AGBL1: variants seen among roughly 807,000 people sequenced by gnomAD.
The protein encoded by AGBL1 is AGBL carboxypeptidase 1.
AGBL1 carries 130 observed loss-of-function variants against 118.9 expected under a neutral mutation model. That is an observed-to-expected ratio of 1.09 (90% CI 0.95 to 1.26). The LOEUF (loss-of-function observed/expected upper bound fraction) is 1.26, where lower values mean the gene tolerates loss of function less well. AGBL1 is among the 50% of genes most tolerant of loss of function. The pLI, the probability that AGBL1 is intolerant of heterozygous loss-of-function variation, is 0.00. For missense variants in AGBL1, 1,584 were observed against 1,298.1 expected, an observed-to-expected ratio of 1.22 and a Z score of -3.38; for synonymous variants, 555 against 478.9, an observed-to-expected ratio of 1.16 and a Z score of -2.08.
At chr15:86,771,701 T>TA (rs112540517) in intron 22 of AGBL1, among the ~76,000 whole-genome samples, 265 of 151,240 alleles carry the variant, frequency 1.8e-3, no homozygotes, top group South Asian at 8.1e-3. Context: ...CAGGGATGGA[T>TA]AAAAAAAAAG....
At chr15:86,096,530 G>T (rs1567051429) in intron 1 of AGBL1, among the ~76,000 whole-genome samples, 1 of 152,062 alleles carries the variant, frequency 6.6e-6, no homozygotes, top group Non-Finnish European at 1.5e-5. Flanking sequence ...AAATTATATT[G>T]TTCCATGATT....
At chr15:87,012,555 A>G (rs975127692) in intron 24 of AGBL1, among the ~76,000 whole-genome samples, 1 of 152,140 alleles carries the variant, frequency 6.6e-6, no homozygotes, top group African/African-American at 2.4e-5. Context: ...TGATGGAAAC[A>G]GAATGATGGG....
chr15:86,212,197 TATG>T (rs1400066914), intron 5 of AGBL1, among the ~76,000 whole-genome samples: 1 of 152,256 alleles, frequency 6.6e-6, no homozygotes, highest in Non-Finnish European at 1.5e-5. Flanking sequence ...TAGCAGGTGC[TATG>T]ATAAGTGCTG....
At chr15:86,797,406 G>C (rs116527124) in intron 22 of AGBL1, among the ~76,000 whole-genome samples, 261 of 152,312 alleles carry the variant, frequency 1.7e-3, no homozygotes, top group African/African-American at 6.1e-3. Context: ...CAAAAAAGGA[G>C]CAGAACCCCC....
chr15:86,100,126 G>A (rs1015571271), intron 1 of AGBL1, among the ~76,000 whole-genome samples: 3 of 151,968 alleles, frequency 2.0e-5, no homozygotes, highest in Non-Finnish European at 4.4e-5. Context: ...CTAAAGATGC[G>A]ATATATGACA....
chr15:86,464,198 G>A (rs540354837), intron 18 of AGBL1, among the ~76,000 whole-genome samples: 4 of 152,240 alleles, frequency 2.6e-5, no homozygotes, highest in African/African-American at 9.6e-5. Context: ...TCTCTTTGTA[G>A]AAATTGGGAA....
chr15:86,232,247 T>G (rs919678024), intron 6 of AGBL1, among the ~76,000 whole-genome samples: 1 of 152,152 alleles, frequency 6.6e-6, no homozygotes, highest in African/African-American at 2.4e-5. Flanking sequence ...GTCGCCCCCA[T>G]CCCTGTCCCC....
rs529324963 is a variant in AGBL1, at chr15:86,470,691, T to A, written c.2556-52119T>A. Among the ~76,000 whole-genome samples the A allele has an allele frequency of 2.6e-5, 4 of 152,290 alleles. No homozygotes were observed. In the East Asian group the frequency reaches 7.7e-4, roughly 29 times the overall value. ...AACATGAGACGTCTTCCCATTTATT[T>A]GTGTCGTCTTAAATTTCTTTCATCA... is the stretch of plus-strand genomic sequence containing the variant. On this transcript the variant is annotated intron_variant, in intron 18 of 22. Transcript: ENST00000614907.
chr15:86,700,981 G>A (rs927405049), intron 22 of AGBL1, among the ~76,000 whole-genome samples: 5 of 152,092 alleles, frequency 3.3e-5, no homozygotes, highest in Non-Finnish European at 7.4e-5. Context: ...CTCCCCAGTC[G>A]TGCTGAGGGA....
In AGBL1 at chr15:86,676,176, T is replaced by C. The variant is rs150114710; in HGVS notation, c.3158+1740T>C. Among the ~76,000 whole-genome samples, 3 of 152,294 alleles carry C rather than the reference T, an allele frequency of 2.0e-5. No homozygotes were observed. In the East Asian group the frequency reaches 5.8e-4, roughly 29 times the overall value. The stretch of plus-strand genomic sequence containing the variant: ...CTAGGAAAGATACCTGAACACAGGA[T>C]GTGATTAATATGTCTACTTTGAATA... On this transcript the variant is annotated intron_variant, in intron 22 of 22. Coordinates refer to ENST00000614907, the MANE Select transcript of AGBL1 (RefSeq NM_001386094.1).
At chr15:86,757,335 G>C (rs1028020550) in intron 22 of AGBL1, among the ~76,000 whole-genome samples, 16 of 151,942 alleles carry the variant, frequency 1.1e-4, no homozygotes, top group Admixed American at 1.3e-4. Context: ...AGGATGAGTG[G>C]GTAGCACTGT....
intron 16 of AGBL1, among the ~76,000 whole-genome samples, chr15:86,283,286 G>A (rs1244080549): frequency 6.6e-6 from 1 of 152,030 alleles, no homozygotes; most frequent in Non-Finnish European, 1.5e-5. Flanking sequence ...GAATATTTTA[G>A]GAGGTAAAAA....
intron 22 of AGBL1, among the ~76,000 whole-genome samples, chr15:86,817,542 CACAG>C (rs1452552412): frequency 4.2e-5 from 6 of 143,708 alleles, no homozygotes; most frequent in African/African-American, 7.8e-5. Context: ...CACACACACA[CACAG>C]ACACACAGAG....
intron 6 of AGBL1, among the ~76,000 whole-genome samples, chr15:86,234,212 C>A (rs994947589): frequency 6.6e-6 from 1 of 151,976 alleles, no homozygotes; most frequent in Admixed American, 6.6e-5. Context: ...GGCATGTGTG[C>A]AGAATGGTGT....
At chr15:86,919,387 G>GT (rs142257190), downstream of AGBL1, among the ~76,000 whole-genome samples, 7,380 of 152,144 alleles carry the variant, frequency 0.049, 198 homozygotes, top group Middle Eastern at 0.071. Flanking sequence ...TTTCTGAATA[G>GT]TTTTTTTGTT....
At chr15:86,716,539 A>T (rs948788795) in intron 22 of AGBL1, among the ~76,000 whole-genome samples, 3 of 152,222 alleles carry the variant, frequency 2.0e-5, no homozygotes, top group African/African-American at 4.8e-5. Flanking sequence ...GATATTAAAG[A>T]TAACCAACTG....
intron 22 of AGBL1, among the ~76,000 whole-genome samples, chr15:86,811,391 G>A (rs916094359): frequency 2.0e-5 from 3 of 152,158 alleles, no homozygotes; most frequent in Non-Finnish European, 4.4e-5. Flanking sequence ...AGTAAGATCT[G>A]GGTCTATGGA....
chr15:86,213,556 A>G (rs1489619699), intron 5 of AGBL1, among the ~76,000 whole-genome samples: 1 of 152,056 alleles, frequency 6.6e-6, no homozygotes, highest in Non-Finnish European at 1.5e-5. Flanking sequence ...GTGCATGCTC[A>G]AGTTTGAAAA....
At chr15:86,743,667 C>T (rs1432025018) in intron 22 of AGBL1, among the ~76,000 whole-genome samples, 3 of 152,072 alleles carry the variant, frequency 2.0e-5, no homozygotes, top group Admixed American at 1.3e-4. Context: ...CTAATGTAGG[C>T]CCAAGAAATC....
Sources: gnomAD v4.1 joint callset for allele counts (sites outside exome capture counted in the v4.1 genomes callset) on GRCh38, gnomAD v4.1.1 for gene constraint, MANE v1.5 for transcripts, NCBI Gene and HGNC (gene_info 2026-07-23, HGNC 2026-07-21) for gene names.